Variants in SLC44A5 observed in about 807,000 individuals in gnomAD.
The protein encoded by SLC44A5 is choline transporter-like protein 5.
Under a neutral mutation model 101.8 loss-of-function variants are expected in SLC44A5, and 57 were observed. The observed-to-expected ratio is 0.56, with a 90% confidence interval of 0.45 to 0.70. SLC44A5 has a LOEUF of 0.70. Among genes scored for constraint, SLC44A5 ranks in the 30% least tolerant of loss-of-function variants. The pLI is 0.00. For synonymous variants in SLC44A5, 281 were observed against 290.9 expected, an observed-to-expected ratio of 0.97 and a Z score of 0.35; for missense variants, 737 against 853.1, an observed-to-expected ratio of 0.86 and a Z score of 1.70.
chr1:75,704,392 C>T, the SLC44A5 span, among the ~76,000 whole-genome samples: 5 of 149,692 alleles, frequency 3.3e-5, no homozygotes, highest in East Asian at 2.1e-4. Flanking sequence ...GGGAGGCTGA[C>T]GGGGGAGGAC....
chr1:75,306,892 G>T (rs1654954050), intron 4 of SLC44A5, among the ~76,000 whole-genome samples: 2 of 151,406 alleles, frequency 1.3e-5, no homozygotes, highest in African/African-American at 4.9e-5. Flanking sequence ...CCGCCATCAC[G>T]CCCGGCTAAT....
At position 75,215,813 on chromosome 1, in the gene SLC44A5, A is replaced by C; in HGVS notation, c.1669T>G (p.Cys557Gly). 6.2e-7 allele frequency: 1 copy of C among 1,609,322 alleles called. No individual in the cohort carries two copies. The highest frequency in any genetic ancestry group is 8.5e-7 in the Non-Finnish European group (1 of 1,176,102). Residue 557 changes from cysteine (C) to glycine (G), a missense_variant, in exon 19 of 24, where the codon TGC (cysteine) becomes GGC (glycine). Transcript: ENST00000370859. ...GCATTTTCCAAACACCAGAAGCAGC[A>C]TCTCAGGCAGCATTGTAGGAATTTA... ...LSKFLQCCLR[C>G]CFWCLENAIK...
At chr1:75,720,196 CT>C in the SLC44A5 span, among the ~76,000 whole-genome samples, 7 of 152,210 alleles carry the variant, frequency 4.6e-5, no homozygotes, top group African/African-American at 1.7e-4. Flanking sequence ...GATCCACCAT[CT>C]TGTCTCACTG....
intron 9 of SLC44A5, among the ~76,000 whole-genome samples, chr1:75,239,791 G>A (rs1156573193): frequency 1.3e-5 from 2 of 152,086 alleles, no homozygotes; most frequent in African/African-American, 4.8e-5. Context: ...TCTTCATCCT[G>A]CTTAAACCCA....
chr1:75,228,563 T>C lies in SLC44A5; in HGVS notation c.854-706A>G, dbSNP rs533075820. Among the ~76,000 whole-genome samples the C allele has an allele frequency of 3.8e-3, 580 of 152,060 alleles. 4 individuals are homozygous for C. Among genetic ancestry groups the C allele is most frequent in the Non-Finnish European group, 6.2e-3 (423 of 67,930 alleles). On this transcript the variant is annotated intron_variant, in intron 12 of 23. Transcript: ENST00000370859. ...AACATATTTATACTTTATATACTGA[T>C]ATATTTATATTTGTTTCTATGTTCT...
At chr1:75,502,203 C>T (rs1234948752) in intron 2 of SLC44A5, among the ~76,000 whole-genome samples, 2 of 152,110 alleles carry the variant, frequency 1.3e-5, no homozygotes, top group Non-Finnish European at 2.9e-5. Flanking sequence ...CTCACAGGCA[C>T]GCACAACATG....
chr1:75,637,715 C>A, the SLC44A5 span, among the ~76,000 whole-genome samples: 3 of 151,904 alleles, frequency 2.0e-5, no homozygotes, highest in Non-Finnish European at 4.4e-5. Flanking sequence ...TTCTGATAAA[C>A]ATATCTTCAT....
At chr1:75,456,957 A>T (rs1391438575) in intron 2 of SLC44A5, among the ~76,000 whole-genome samples, 1 of 152,202 alleles carries the variant, frequency 6.6e-6, no homozygotes, top group Non-Finnish European at 1.5e-5. Flanking sequence ...ACATTTTCTG[A>T]TGGGAGAAAC....
At chr1:75,573,922 T>C (rs986261477) in intron 1 of SLC44A5, among the ~76,000 whole-genome samples, 2 of 152,224 alleles carry the variant, frequency 1.3e-5, no homozygotes, top group Non-Finnish European at 2.9e-5. Flanking sequence ...CCCGAATATA[T>C]TTATGGCAAA....
chr1:75,369,361 C>G (rs1660078387), intron 3 of SLC44A5, among the ~76,000 whole-genome samples: 1 of 152,106 alleles, frequency 6.6e-6, no homozygotes, highest in Non-Finnish European at 1.5e-5. Context: ...AAATAATCTA[C>G]TCCATATAGT....
At position 75,546,369 on chromosome 1, in the gene SLC44A5, G is replaced by C. The variant is rs867344096; in HGVS notation, c.-69-4853C>G. ...ACTACAGGCGCCCGCCACCGCGCCC[G>C]GCTAATTTTTTGTATTTTTTTTTAG... On this transcript the variant is annotated intron_variant, in intron 1 of 23. Transcript: ENST00000370859. Among the ~76,000 whole-genome samples, 2 of 11,688 alleles carry C rather than the reference G, an allele frequency of 1.7e-4. 1 individual carries two copies. Among genetic ancestry groups the C allele is most frequent in the Non-Finnish European group, 3.4e-4 (2 of 5,936 alleles). 7.7% of individuals were successfully genotyped at this position (11,688 alleles called of 152,430 possible). A position where few individuals can be genotyped will look rare whatever the true frequency, so the allele number is the denominator to read the frequency against.
At chr1:75,222,514 A>G in intron 13 of SLC44A5, 54 bp from the exon 14 acceptor site, 1 of 1,053,208 alleles carries the variant, frequency 9.5e-7, no homozygotes, top group Admixed American at 1.8e-5. Flanking sequence ...ACGGAAACAA[A>G]CCTTCCCTGC....
intron 3 of SLC44A5, among the ~76,000 whole-genome samples, chr1:75,353,349 G>A (rs1658825494): frequency 6.6e-6 from 1 of 152,126 alleles, no homozygotes. Context: ...TCTAACTCAA[G>A]ATATAATAAT....
chr1:75,665,525 A>G, the SLC44A5 span, among the ~76,000 whole-genome samples: 1 of 152,234 alleles, frequency 6.6e-6, no homozygotes, highest in Non-Finnish European at 1.5e-5. Context: ...AGGGAACACT[A>G]TTCTGGACAT....
At chr1:75,589,955 G>A (rs775812321) in intron 1 of SLC44A5, among the ~76,000 whole-genome samples, 17 of 152,186 alleles carry the variant, frequency 1.1e-4, no homozygotes, top group East Asian at 3.9e-4. Context: ...AGTGGTCTTC[G>A]TCTCTAAGTA....
At chr1:75,248,900 T>C (rs1649338277) in intron 7 of SLC44A5, among the ~76,000 whole-genome samples, 1 of 152,070 alleles carries the variant, frequency 6.6e-6, no homozygotes, top group Admixed American at 6.6e-5. Flanking sequence ...ACTGAGAGAC[T>C]GTGGAATCTA....
intron 2 of SLC44A5, among the ~76,000 whole-genome samples, chr1:75,409,139 C>T (rs1173749414): frequency 6.6e-6 from 1 of 152,130 alleles, no homozygotes; most frequent in Non-Finnish European, 1.5e-5. Context: ...AATGAGTCCA[C>T]ATGGACATAA....
chr1:75,479,817 G>A (rs1315972119), intron 2 of SLC44A5, among the ~76,000 whole-genome samples: 4 of 152,216 alleles, frequency 2.6e-5, no homozygotes, highest in African/African-American at 9.6e-5. Flanking sequence ...AATTCTACCA[G>A]AGGTACAAGG....
the SLC44A5 span, among the ~76,000 whole-genome samples, chr1:75,721,479 T>G: frequency 6.6e-6 from 1 of 152,248 alleles, no homozygotes; most frequent in African/African-American, 2.4e-5. Context: ...AAGACAATTC[T>G]TTTTCTTCCA....
Sources: allele counts gnomAD v4.1 joint callset (sites outside exome capture counted in the v4.1 genomes callset), GRCh38; gene constraint gnomAD v4.1.1; transcripts MANE v1.5; gene names NCBI Gene and HGNC (gene_info 2026-07-23, HGNC 2026-07-21).